The following WSB2 variants were observed in gnomAD, a reference collection of about 807,000 sequenced individuals.
WSB2 encodes the protein WD repeat and SOCS box containing 2.
WSB2 carries 12 observed loss-of-function variants against 48.8 expected under a neutral mutation model. The ratio of observed to expected loss-of-function variants is 0.25; its 90% CI spans 0.16 to 0.40. The LOEUF is 0.40. Ranked by LOEUF, WSB2 falls within the 10% of genes least tolerant of loss-of-function variation. The probability of loss-of-function intolerance (pLI) is 1.00; values close to 1 mark genes in which losing one functional copy is unlikely to be tolerated. For missense variants in WSB2, 317 were observed against 506.2 expected (o/e 0.63, Z 3.59); for synonymous variants, 191 against 203.1 (o/e 0.94, Z 0.51).
At chr12:118,047,453 G>C (rs1194003936) in intron 2 of WSB2, among the ~76,000 whole-genome samples, 1 of 152,144 alleles carries the variant, frequency 6.6e-6, no homozygotes, top group African/African-American at 2.4e-5. Context: ...ATAATTATTT[G>C]GTTAATATCA....
At chr12:118,041,522 A>G (rs1224930505) in intron 4 of WSB2, among the ~76,000 whole-genome samples, 1 of 152,130 alleles carries the variant, frequency 6.6e-6, no homozygotes, top group African/African-American at 2.4e-5. Flanking sequence ...GGTCCCTCCC[A>G]TGGCTGTGTG....
In WSB2 at chr12:118,060,943, C is replaced by A; in HGVS notation, c.13+93G>T. On this transcript the variant is annotated intron_variant, in intron 1 of 8. Coordinates refer to ENST00000315436, the MANE Select transcript of WSB2 (RefSeq NM_018639.5). This position sits in a 1 kb window ranked among gnomAD's most constrained non-coding sequence, Gnocchi z 4.1. ...GCCGCGTCCAGCCCCCGCCCCACCC[C>A]GCCCAGCCCGCCCCGGGGTCGCCTC... The A allele has an allele frequency of 3.5e-6, 2 of 566,866 alleles. No homozygotes were observed. Among genetic ancestry groups the A allele is most frequent in the South Asian group, 7.3e-5 (1 of 13,728 alleles). The allele number at this position is 566,866 out of a possible 1,614,324, so 35.1% of individuals were successfully genotyped here. A position where few individuals can be genotyped will look rare whatever the true frequency, so the allele number is the denominator to read the frequency against.
In WSB2 at chr12:118,035,041, T is replaced by C. The variant is rs370416239; in HGVS notation, c.997A>G (p.Met333Val). The C allele has an allele frequency of 1.2e-6, 2 of 1,614,062 alleles. No homozygotes were observed. Among genetic ancestry groups the C allele is most frequent in the Non-Finnish European group, 1.7e-6 (2 of 1,180,050 alleles). ...ELKTPIAFAP[M>V]TNGLCCTFFP... ...AATGTGCAGCAAAGCCCATTGGTCA[T>C]AGGAGCAAATGCAATGGGAGTTTTC... Residue 333 changes from methionine (M) to valine (V), a missense_variant, in exon 8 of 9, where the codon ATG becomes GTG. Around this residue, in one of 2 missense-constraint regions of WSB2, gnomAD observed 189 missense variants for 349.6 expected, o/e 0.54. Transcript: ENST00000315436.
In WSB2 at chr12:118,060,895, G is replaced by A. The variant is rs2032049560; in HGVS notation, c.13+141C>T. ...CGCGCACCCCCGCCGGCCCCGCGCG[G>A]ACCTCCCAGGCCGGACGCCCCCGCC... On this transcript the variant is annotated intron_variant, in intron 1 of 8. Coordinates refer to ENST00000315436, the MANE Select transcript of WSB2 (RefSeq NM_018639.5). The surrounding 1 kb of genome is among the most constrained non-coding windows in gnomAD (Gnocchi z 4.1). 1.0e-5 allele frequency: 3 copies of A among 285,778 alleles called. No individual in the cohort carries two copies. The highest frequency in any genetic ancestry group is 1.6e-5 in the Non-Finnish European group (3 of 190,490). The allele number at this position is 285,778 out of a possible 1,614,324, so 17.7% of individuals were successfully genotyped here.
intron 1 of WSB2, among the ~76,000 whole-genome samples, chr12:118,055,760 G>A (rs888241617): frequency 4.6e-5 from 7 of 151,294 alleles, no homozygotes; most frequent in African/African-American, 1.2e-4. Flanking sequence ...GATTACAGGC[G>A]TGCACCACCA....
intron 1 of WSB2, among the ~76,000 whole-genome samples, chr12:118,059,160 G>A (rs61091236): frequency 0.011 from 1,599 of 152,102 alleles, 29 homozygotes; most frequent in African/African-American, 0.037. Context: ...GAATTCAGAT[G>A]GGCTGTAAGT....
chr12:118,061,091 G>C lies in WSB2; in HGVS notation c.-43C>G. The C allele has an allele frequency of 2.0e-6, 2 of 980,762 alleles. No homozygotes were observed. Among genetic ancestry groups the C allele is most frequent in the Non-Finnish European group, 2.4e-6 (2 of 828,250 alleles). 60.8% of individuals were successfully genotyped at this position (980,762 alleles called of 1,614,324 possible). On this transcript the variant is annotated 5_prime_UTR_variant, in exon 1 of 9. Coordinates refer to ENST00000315436, the MANE Select transcript of WSB2 (RefSeq NM_018639.5). ...CCCGCGGCAGGCGGCGGGCGCCTCA[G>C]CCCCCCGGGCCGCGGGCCCTCATGC... is the stretch of plus-strand genomic sequence containing the variant.
intron 2 of WSB2, among the ~76,000 whole-genome samples, chr12:118,046,272 C>T (rs2031743619): frequency 6.6e-6 from 1 of 151,944 alleles, no homozygotes; most frequent in South Asian, 2.1e-4. Flanking sequence ...ACCAGCCTGG[C>T]CAACATGGTG....
chr12:118,048,499 C>A (rs530325485), intron 2 of WSB2, among the ~76,000 whole-genome samples: 4 of 151,662 alleles, frequency 2.6e-5, no homozygotes, highest in African/African-American at 9.7e-5. Flanking sequence ...AGCAGGAGGA[C>A]CACTTGAATC....
At chr12:118,052,178 T>C (rs1278352400) in intron 2 of WSB2, 132 bp downstream of exon 2, 10 of 1,300,060 alleles carry the variant, frequency 7.7e-6, no homozygotes, top group Non-Finnish European at 9.3e-6. Context: ...CTTGGGGCTC[T>C]GGAAACCCCC....
At chr12:118,046,253 G>A (rs1045071117) in intron 2 of WSB2, among the ~76,000 whole-genome samples, 1 of 152,090 alleles carries the variant, frequency 6.6e-6, no homozygotes, top group Non-Finnish European at 1.5e-5. Context: ...TTGAGGTCGG[G>A]AGTTTGAGAC....
intron 5 of WSB2, 86 bp downstream of exon 5, chr12:118,038,202 C>T (rs1014717970): frequency 8.5e-5 from 112 of 1,321,140 alleles, no homozygotes; most frequent in Middle Eastern, 2.6e-4. Flanking sequence ...GATTTGCGGA[C>T]GATTTTGAGA....
chr12:118,039,011 T>C (rs181741311), intron 4 of WSB2, among the ~76,000 whole-genome samples: 265 of 152,334 alleles, frequency 1.7e-3, no homozygotes, highest in African/African-American at 6.0e-3. Flanking sequence ...GAGAATGTTC[T>C]TTTTAGGCTC....
intron 6 of WSB2, among the ~76,000 whole-genome samples, chr12:118,035,526 G>A (rs2031491934): frequency 6.6e-6 from 1 of 152,204 alleles, no homozygotes; most frequent in Non-Finnish European, 1.5e-5. Context: ...TGTGGATGAA[G>A]GGTTACTAAC....
rs531814826 is a variant in WSB2 at position 118,060,526 on chromosome 12, G to T, written c.13+510C>A. Among the ~76,000 whole-genome samples the T allele has an allele frequency of 8.1e-4, 123 of 152,292 alleles. No homozygotes were observed. The highest frequency in any genetic ancestry group is 2.7e-3 in the African/African-American group (113 of 41,572). ...CGGGTCCCAGCCACCCTCCGAGGAA[G>T]GTACTAGGATTATCCCATTTTGCAG... On this transcript the variant is annotated intron_variant, in intron 1 of 8. Coordinates refer to ENST00000315436, the MANE Select transcript of WSB2 (RefSeq NM_018639.5). The surrounding 1 kb of genome is among the most constrained non-coding windows in gnomAD (Gnocchi z 4.1).
At chr12:118,037,453 G>A (rs2031538143) in intron 5 of WSB2, among the ~76,000 whole-genome samples, 1 of 152,074 alleles carries the variant, frequency 6.6e-6, no homozygotes, top group Admixed American at 6.6e-5. Context: ...GATCACCTGA[G>A]GTCAGGAGTT....
At chr12:118,056,205 A>G (rs960906555) in intron 1 of WSB2, among the ~76,000 whole-genome samples, 1 of 151,974 alleles carries the variant, frequency 6.6e-6, no homozygotes, top group African/African-American at 2.4e-5. Context: ...CTGGGCTTGT[A>G]CTTCTCTCCC....
At chr12:118,056,214 C>G (rs999087361) in intron 1 of WSB2, among the ~76,000 whole-genome samples, 4 of 152,114 alleles carry the variant, frequency 2.6e-5, no homozygotes, top group African/African-American at 9.7e-5. Context: ...TACTTCTCTC[C>G]CTGCCCCTGG....
intron 1 of WSB2, among the ~76,000 whole-genome samples, chr12:118,056,070 C>A (rs1479479731): frequency 6.6e-6 from 1 of 152,102 alleles, no homozygotes; most frequent in East Asian, 1.9e-4. Flanking sequence ...GCTGCTCTCC[C>A]GGCTTCCCCT....
Sources: allele counts gnomAD v4.1 joint callset (sites outside exome capture counted in the v4.1 genomes callset), GRCh38; gene constraint gnomAD v4.1.1; regional missense constraint gnomAD v4.1.1; non-coding constraint Gnocchi (gnomAD v3.1); transcripts MANE v1.5; gene names NCBI Gene and HGNC (gene_info 2026-07-23, HGNC 2026-07-21).